The following IRF4 variants were observed in gnomAD, a reference collection of about 807,000 sequenced individuals.
IRF4 encodes the protein interferon regulatory factor 4, also known as lymphocyte-specific interferon regulatory factor.
Under a neutral mutation model 55.5 loss-of-function variants are expected in IRF4, and 13 were observed. That is an observed-to-expected ratio of 0.23 (90% CI 0.15 to 0.37). IRF4 has a LOEUF of 0.37. Ranked by LOEUF, IRF4 falls within the 10% of genes least tolerant of loss-of-function variation. The pLI, the probability that IRF4 is intolerant of heterozygous loss-of-function variation, is 1.00. For missense variants in IRF4, 397 were observed against 593.8 expected (o/e 0.67, Z 3.44); for synonymous variants, 249 against 240.7 (o/e 1.03, Z -0.32).
At chr6:407,003 T>C (rs1262422557) in intron 8 of IRF4, 1 of 657,492 alleles carries the variant, frequency 1.5e-6, no homozygotes, top group Non-Finnish European at 1.9e-6. Context: ...TTACTTTTTA[T>C]TTCTTTTACC....
At position 411,134 on chromosome 6, in the gene IRF4, G is replaced by A. The variant is rs1393226741; in HGVS notation, c.*3536G>A. ...AAATTCCCGTGTTGCTTCAAACTGA[G>A]ACAGATGGGACTTAACAGGCAATGG... On this transcript the variant is annotated 3_prime_UTR_variant, in exon 9 of 9. Transcript: ENST00000380956. 4.3e-6 allele frequency: 1 copy of A among 232,624 alleles called. No homozygotes were observed. The allele number at this position is 232,624 out of a possible 1,614,324, so 14.4% of individuals were successfully genotyped here. A position where few individuals can be genotyped will look rare whatever the true frequency, so the allele number is the denominator to read the frequency against.
chr6:406,935 A>G, intron 8 of IRF4: 1 of 1,020,954 alleles, frequency 9.8e-7, no homozygotes, highest in Non-Finnish European at 1.2e-6. Flanking sequence ...AGACAGTATA[A>G]ATTTGAGGCC....
At chr6:397,872 A>G (rs909768295) in intron 5 of IRF4, among the ~76,000 whole-genome samples, 4 of 152,224 alleles carry the variant, frequency 2.6e-5, no homozygotes, top group Non-Finnish European at 5.9e-5. Flanking sequence ...TCAGGCCTTC[A>G]GGACTTTTGA....
rs889840787 is a variant in IRF4, at chr6:393,565, C to T, written c.216+197C>T. Among the ~76,000 whole-genome samples, 1 of 152,070 alleles carries T rather than the reference C, an allele frequency of 6.6e-6. No individual in the cohort carries two copies. The highest frequency in any genetic ancestry group is 2.4e-5 in the African/African-American group (1 of 41,442). On this transcript the variant is annotated intron_variant, in intron 2 of 8. Coordinates refer to ENST00000380956, the MANE Select transcript of IRF4 (RefSeq NM_002460.4). The surrounding 1 kb of genome is among the most constrained non-coding windows in gnomAD (Gnocchi z 5.4). ...CGGCTCTCAGCGGGACCGCGGGGGC[C>T]GGGAGCCGGGTCCTGGGCGCGTGGA...
chr6:405,595 T>A (rs974683575), intron 8 of IRF4, among the ~76,000 whole-genome samples: 4 of 152,228 alleles, frequency 2.6e-5, no homozygotes, highest in Non-Finnish European at 5.9e-5. Flanking sequence ...TGCAGCTGTG[T>A]CCTAGCACCT....
chr6:400,296 C>G (rs1054855749), intron 6 of IRF4, among the ~76,000 whole-genome samples: 2 of 152,174 alleles, frequency 1.3e-5, no homozygotes, highest in Admixed American at 1.3e-4. Context: ...CATACAGTTA[C>G]CAGTGGCAGC....
chr6:405,905 T>TG (rs1761532491), intron 8 of IRF4, among the ~76,000 whole-genome samples: 1 of 152,220 alleles, frequency 6.6e-6, no homozygotes, highest in South Asian at 2.1e-4. Context: ...GCTACATACT[T>TG]GCAAGCATTA....
chr6:402,536 A>G (rs755659261), intron 7 of IRF4, among the ~76,000 whole-genome samples: 7 of 151,962 alleles, frequency 4.6e-5, no homozygotes, highest in South Asian at 2.1e-4. Flanking sequence ...CCCTTCAGAA[A>G]CTCCTGTGTC....
intron 1 of IRF4, 102 bp downstream of exon 1, chr6:391,911 C>T (rs947622694): frequency 1.3e-5 from 6 of 446,056 alleles, no homozygotes; most frequent in Non-Finnish European, 2.7e-5. Context: ...GCAGGGTACC[C>T]CGGCTTCGGA....
Position 409,994 on chromosome 6 carries a change from G to A in IRF4, c.*2396G>A, listed in dbSNP as rs1289457867. ...CTATCTTTACATCTATGTGTATGTT[G>A]ACTTTTTAAAATTCTGAGTGATCCA... On this transcript the variant is annotated 3_prime_UTR_variant, in exon 9 of 9. Transcript: ENST00000380956. The A allele has an allele frequency of 4.4e-6, 1 of 228,614 alleles. No individual in the cohort carries two copies. The highest frequency in any genetic ancestry group is 6.2e-5 in the East Asian group (1 of 16,154). The allele number at this position is 228,614 out of a possible 1,614,324, so 14.2% of individuals were successfully genotyped here.
At chr6:406,903 AGT>A in intron 8 of IRF4, 1 of 1,076,140 alleles carries the variant, frequency 9.3e-7, no homozygotes, top group Non-Finnish European at 1.1e-6. Context: ...TTTTTTGGTG[AGT>A]GTGATCCACG....
intron 5 of IRF4, 129 bp downstream of exon 5, chr6:397,381 C>G: frequency 9.0e-7 from 1 of 1,114,786 alleles, no homozygotes; most frequent in Non-Finnish European, 1.3e-6. Context: ...GTGTGCAGCT[C>G]GGGGAGAGGG....
chr6:401,389 C>T (rs369116605), intron 6 of IRF4, 35 bp from the exon 7 acceptor site: 43 of 1,538,014 alleles, frequency 2.8e-5, no homozygotes, highest in East Asian at 2.3e-5. Context: ...GTGTCCTTGG[C>T]CCCCAGCACT....
In IRF4 at chr6:393,777, G is replaced by A. The variant is rs552401886; in HGVS notation, c.216+409G>A. Among the ~76,000 whole-genome samples the A allele has an allele frequency of 3.9e-5, 6 of 152,302 alleles. No individual in the cohort carries two copies. Among genetic ancestry groups the A allele is most frequent in the African/African-American group, 1.2e-4 (5 of 41,580 alleles). On this transcript the variant is annotated intron_variant, in intron 2 of 8. Transcript: ENST00000380956. This position sits in a 1 kb window ranked among gnomAD's most constrained non-coding sequence, Gnocchi z 5.4. ...CTCTCCGTGCGTCCGCGCCTGTGCC[G>A]GCGGCTGTTTTCGTCTCTCACCGCG... is the stretch of plus-strand genomic sequence containing the variant.
chr6:410,094 A>G lies in IRF4; in HGVS notation c.*2496A>G, dbSNP rs780909578. 13 of 226,700 alleles carry G rather than the reference A, an allele frequency of 5.7e-5. No individual in the cohort carries two copies. Among genetic ancestry groups the G allele is most frequent in the Non-Finnish European group, 1.1e-4 (12 of 113,944 alleles). 14.0% of individuals were successfully genotyped at this position (226,700 alleles called of 1,614,324 possible). On this transcript the variant is annotated 3_prime_UTR_variant, in exon 9 of 9. Coordinates refer to ENST00000380956, the MANE Select transcript of IRF4 (RefSeq NM_002460.4). ...TCCTAGCACTTGTCTCAGGACTCTG[A>G]AAAGGAACGGCTTCCTCATTCCTTG... is the stretch of plus-strand genomic sequence containing the variant.
chr6:405,027 C>A lies in IRF4; in HGVS notation c.1109C>A (p.Ala370Glu), dbSNP rs568315642. The change falls in exon 8 of 9, where the codon GCG becomes GAG. Residue 370 changes from alanine (A) to glutamate (E), a missense_variant. Coordinates refer to ENST00000380956, the MANE Select transcript of IRF4 (RefSeq NM_002460.4). ...DTQQFLSELQ[A>E]FAHHGRSLPR... Reference sequence around the variant, plus strand: ...TTGTGGGCTTCTACAGAGCTGCAAGCGTTTGCTCACCACGGCCGCTCCCTG... The same window carrying A: ...TTGTGGGCTTCTACAGAGCTGCAAGAGTTTGCTCACCACGGCCGCTCCCTG... 1 of 1,611,174 alleles carries A rather than the reference C, an allele frequency of 6.2e-7. No individual in the cohort carries two copies. Among genetic ancestry groups the A allele is most frequent in the East Asian group, 2.2e-5 (1 of 44,892 alleles).
chr6:402,498 C>A (rs1761430819), intron 7 of IRF4, among the ~76,000 whole-genome samples: 1 of 152,246 alleles, frequency 6.6e-6, no homozygotes, highest in African/African-American at 2.4e-5. Context: ...CTTCCTCTGC[C>A]TTTTCCCAGT....
chr6:401,393 C>A, intron 6 of IRF4, 31 bp from the exon 7 acceptor site: 1 of 1,565,708 alleles, frequency 6.4e-7, no homozygotes, highest in South Asian at 1.1e-5. Context: ...CCTTGGCCCC[C>A]AGCACTGACT....
At position 407,629 on chromosome 6, in the gene IRF4, C is replaced by CTTTT. The variant is rs566047868; in HGVS notation, c.*47_*50dup. The stretch of plus-strand genomic sequence containing the variant: ...GTCAAGATGAGTGGTTTTCTTTTTC[C>CTTTT]TTTTTTTTTTTTTTTTTTTGATACG... On this transcript the variant is annotated 3_prime_UTR_variant, in exon 9 of 9. Coordinates refer to ENST00000380956, the MANE Select transcript of IRF4 (RefSeq NM_002460.4). The CTTTT allele has an allele frequency of 4.4e-5, 56 of 1,284,560 alleles. No individual in the cohort carries two copies. Among genetic ancestry groups the CTTTT allele is most frequent in the South Asian group, 5.6e-5 (4 of 71,954 alleles). The allele number at this position is 1,284,560 out of a possible 1,614,324, so 79.6% of individuals were successfully genotyped here.
Sources: gnomAD v4.1 joint callset for allele counts (sites outside exome capture counted in the v4.1 genomes callset) on GRCh38, gnomAD v4.1.1 for gene constraint, Gnocchi (gnomAD v3.1) non-coding constraint, MANE v1.5 for transcripts, NCBI Gene and HGNC (gene_info 2026-07-23, HGNC 2026-07-21) for gene names.